Variants in COL4A6 observed in about 807,000 individuals in gnomAD.
The protein encoded by COL4A6 is collagen type IV alpha 6 chain.
COL4A6 carries 59 observed loss-of-function variants against 126.7 expected under a neutral mutation model. That is an observed-to-expected ratio of 0.47 (90% CI 0.38 to 0.58). The LOEUF is 0.58. Among genes scored for constraint, COL4A6 ranks in the 20% least tolerant of loss-of-function variants. The pLI is 0.00. For synonymous variants in COL4A6, 547 were observed against 496.6 expected, an observed-to-expected ratio of 1.10 and a Z score of -1.35; for missense variants, 1,285 against 1,337.3, an observed-to-expected ratio of 0.96 and a Z score of 0.61.
At chrX:108,208,419 T>C (rs1473900677) in intron 8 of COL4A6, among the ~76,000 whole-genome samples, 1 of 112,317 alleles carries the variant, frequency 8.9e-6, no homozygotes, top group Non-Finnish European at 1.9e-5. Context: ...TTCACCAAGA[T>C]AGACTGTATG....
At chrX:108,251,828 CT>C (rs1015519915) in intron 3 of COL4A6, among the ~76,000 whole-genome samples, 2 of 110,995 alleles carry the variant, frequency 1.8e-5, no homozygotes, top group African/African-American at 6.5e-5. Context: ...TTCTACTTGC[CT>C]TTTTTAAAAG....
chrX:108,162,924 TC>T lies in COL4A6; in HGVS notation c.4183del (p.Asp1395ThrfsTer8). The T allele has an allele frequency of 8.3e-7, 1 of 1,198,912 alleles. No homozygotes were observed. The highest frequency in any genetic ancestry group is 1.1e-6 in the Non-Finnish European group (1 of 889,868). ...GCCTACAGGGCCTTGAGCCCCAGGGTCCCCAGTGAGGCCAGGGATGCCATCG... is the reference window on the plus strand; with the variant it reads ...GCCTACAGGGCCTTGAGCCCCAGGGTCCCAGTGAGGCCAGGGATGCCATCG... ...GIDGIPGLTG[D>X]PGAQGPVGLQ... On this transcript the variant is annotated frameshift_variant, in exon 41 of 45. Coordinates refer to ENST00000334504, the MANE Select transcript of COL4A6 (RefSeq NM_033641.4). LOFTEE classifies it high-confidence loss of function.
intron 7 of COL4A6, 93 bp downstream of exon 7, chrX:108,211,579 G>T (rs1454618719): frequency 3.8e-6 from 3 of 789,279 alleles, no homozygotes; most frequent in Non-Finnish European, 5.7e-6. Flanking sequence ...AGACACAGAT[G>T]CTAGTTCTGG....
At position 108,175,153 on chromosome X, in the gene COL4A6, A is replaced by G; in HGVS notation, c.2893T>C (p.Trp965Arg). ...TGAGAGCCTTTGTCTCCTTTGAGCC[A>G]AAGGTTTGACATTGGACGTCTTGGA... ...PSPRRPMSNL[W>R]LKGDKGSQGS... is the part of the protein sequence containing the mutation. Residue 965 changes from tryptophan (W) to arginine (R), a missense_variant, in exon 30 of 45, where the codon TGG (tryptophan) becomes CGG (arginine). Transcript: ENST00000334504. 8.3e-7 allele frequency: 1 copy of G among 1,203,803 alleles called. No individual in the cohort carries two copies.
intron 2 of COL4A6, among the ~76,000 whole-genome samples, chrX:108,399,062 A>C (rs1191948318): frequency 9.0e-6 from 1 of 111,216 alleles, no homozygotes; most frequent in Non-Finnish European, 1.9e-5. Flanking sequence ...AAGTCTTGGG[A>C]GGCATTATAT....
In COL4A6 at chrX:108,179,715, C is replaced by T. The variant is rs762321851; in HGVS notation, c.2132-277G>A. Among the ~76,000 whole-genome samples, 45 of 107,849 alleles carry T rather than the reference C, an allele frequency of 4.2e-4. 1 individual carries two copies. The Admixed American group carries it at 4.5e-3, about 11-fold the overall frequency. 93.7% of individuals were successfully genotyped at this position (107,849 alleles called of 115,157 possible). A position where few individuals can be genotyped will look rare whatever the true frequency, so the allele number is the denominator to read the frequency against. ...GGTCCTACAGTTGTTGAAGAACACA[C>T]GCCACCCCATAGCATCCTGAGAAAA... is the stretch of plus-strand genomic sequence containing the variant. On this transcript the variant is annotated intron_variant, in intron 25 of 44. Coordinates refer to ENST00000334504, the MANE Select transcript of COL4A6 (RefSeq NM_033641.4).
At chrX:108,418,327 C>A (rs1248163650) in intron 2 of COL4A6, among the ~76,000 whole-genome samples, 3 of 111,686 alleles carry the variant, frequency 2.7e-5, no homozygotes, top group African/African-American at 9.8e-5. Flanking sequence ...CCTGTGGTTG[C>A]CCTGGAAAGT....
chrX:108,191,590 T>C, intron 18 of COL4A6, 57 bp from the exon 19 acceptor site: 1 of 1,124,299 alleles, frequency 8.9e-7, no homozygotes, highest in Non-Finnish European at 1.2e-6. Flanking sequence ...CTCTGGAGTA[T>C]TCCTATCTGT....
At chrX:108,328,331 C>T (rs2039213204) in intron 2 of COL4A6, among the ~76,000 whole-genome samples, 2 of 104,701 alleles carry the variant, frequency 1.9e-5, no homozygotes, top group African/African-American at 3.5e-5. Context: ...TAAAACACTA[C>T]GTGATTAAAT....
Position 108,170,643 on chromosome X carries a change from C to T in COL4A6, c.3459G>A (p.Gly1153=). 9 of 1,205,042 alleles carry T rather than the reference C, an allele frequency of 7.5e-6. No homozygotes were observed. The highest frequency in any genetic ancestry group is 1.7e-5 in the African/African-American group (1 of 57,330). ...PGSSGHQGAI[G]PLGSPGLIGP... is the part of the protein sequence containing the mutation. ...CTATTAATCCGGGGGATCCTAGAGG[C>T]CCAATTGCCCCTTGGTGACCAGAAG... The change falls in exon 35 of 45, where the codon GGG becomes GGA. Residue 1153 remains glycine, a synonymous_variant. Transcript: ENST00000334504.
chrX:108,298,782 G>C (rs1371037198), intron 3 of COL4A6, among the ~76,000 whole-genome samples: 1 of 109,692 alleles, frequency 9.1e-6, no homozygotes, highest in Non-Finnish European at 1.9e-5. Flanking sequence ...GTGCCTCCAA[G>C]GGACCTTGGA....
chrX:108,391,525 A>C (rs1056308030), intron 2 of COL4A6, among the ~76,000 whole-genome samples: 7 of 111,427 alleles, frequency 6.3e-5, no homozygotes. Flanking sequence ...CAATGGCAGA[A>C]GCCCCTCCCC....
chrX:108,383,870 A>T, intron 2 of COL4A6: 1 of 491,008 alleles, frequency 2.0e-6, no homozygotes, highest in South Asian at 3.2e-5. Flanking sequence ...ATTGATGTGG[A>T]TCTCAATGTT....
intron 44 of COL4A6, among the ~76,000 whole-genome samples, chrX:108,159,219 G>A (rs1262622710): frequency 1.8e-5 from 2 of 112,033 alleles, no homozygotes; most frequent in East Asian, 5.6e-4. Flanking sequence ...GCGGGGCATT[G>A]ACCTATGACT....
At chrX:108,242,273 T>C (rs1322299328) in intron 3 of COL4A6, among the ~76,000 whole-genome samples, 1 of 112,169 alleles carries the variant, frequency 8.9e-6, no homozygotes, top group Non-Finnish European at 1.9e-5. Flanking sequence ...TTAGCCATTT[T>C]TAAGTATACA....
chrX:108,156,833 C>T lies in COL4A6; in HGVS notation c.*167G>A. On this transcript the variant is annotated 3_prime_UTR_variant, in exon 45 of 45. Coordinates refer to ENST00000334504, the MANE Select transcript of COL4A6 (RefSeq NM_033641.4). ...GCAGGGTGGGCTCATCTCTATGGAC[C>T]CGAGGGCTGGGGTGACGAGTGTCCG... 1 of 518,936 alleles carries T rather than the reference C, an allele frequency of 1.9e-6. No individual in the cohort carries two copies. The highest frequency in any genetic ancestry group is 3.0e-5 in the South Asian group (1 of 33,871). The allele number at this position is 518,936 out of a possible 1,213,427, so 42.8% of individuals were successfully genotyped here. A position where few individuals can be genotyped will look rare whatever the true frequency, so the allele number is the denominator to read the frequency against.
chrX:108,213,020 C>T (rs773689297), intron 6 of COL4A6, among the ~76,000 whole-genome samples: 1 of 111,688 alleles, frequency 9.0e-6, no homozygotes, highest in South Asian at 3.8e-4. Flanking sequence ...CCTATGTTAG[C>T]AATACATCTT....
At chrX:108,225,114 C>A (rs999468164) in intron 3 of COL4A6, among the ~76,000 whole-genome samples, 4 of 111,121 alleles carry the variant, frequency 3.6e-5, no homozygotes, top group African/African-American at 6.6e-5. Context: ...CTAGTAGGAA[C>A]GGCATGGAAC....
intron 2 of COL4A6, among the ~76,000 whole-genome samples, chrX:108,390,286 G>A (rs1185779281): frequency 9.0e-6 from 1 of 110,996 alleles, no homozygotes; most frequent in Admixed American, 9.7e-5. Flanking sequence ...GCCTTGCTAA[G>A]TTGGGGAAGT....
Sources: allele counts gnomAD v4.1 joint callset (sites outside exome capture counted in the v4.1 genomes callset), GRCh38; gene constraint gnomAD v4.1.1; transcripts MANE v1.5; gene names NCBI Gene and HGNC (gene_info 2026-07-23, HGNC 2026-07-21).